NLRP11: variants seen among roughly 807,000 people sequenced by gnomAD.
The protein encoded by NLRP11 is NLR family pyrin domain containing 11, also known as NACHT, LRR and PYD domains-containing protein 11.
Under a neutral mutation model 79.3 loss-of-function variants are expected in NLRP11, and 53 were observed. That is an observed-to-expected ratio of 0.67 (90% confidence interval 0.54 to 0.84). NLRP11 has a LOEUF of 0.84. Among genes scored for constraint, NLRP11 ranks in the 40% least tolerant of loss-of-function variants. NLRP11 has a pLI of 0.00. For missense variants in NLRP11, 1,264 were observed against 1,255.0 expected (o/e 1.01, Z -0.11); for synonymous variants, 518 against 462.6 (o/e 1.12, Z -1.54).
At chr19:55,796,802 C>T (rs1019635010) in intron 5 of NLRP11, among the ~76,000 whole-genome samples, 1 of 151,988 alleles carries the variant, frequency 6.6e-6, no homozygotes, top group African/African-American at 2.4e-5. Flanking sequence ...GATTCTCCTG[C>T]CTCGGCCTCC....
intron 2 of NLRP11, among the ~76,000 whole-genome samples, chr19:55,813,024 A>G (rs374425567): frequency 6.6e-6 from 1 of 152,090 alleles, no homozygotes; most frequent in Non-Finnish European, 1.5e-5. Flanking sequence ...CATGTTGAAA[A>G]CTTATTAAAA....
At chr19:55,831,867 A>G (rs1982821869) in intron 1 of NLRP11, 96 bp downstream of exon 1, 1 of 152,186 alleles carries the variant, frequency 6.6e-6, no homozygotes, top group Non-Finnish European at 1.5e-5. Flanking sequence ...TATTATTTCC[A>G]GCTCCTAACC....
intron 4 of NLRP11, among the ~76,000 whole-genome samples, chr19:55,803,717 C>G (rs1338902084): frequency 6.6e-6 from 1 of 152,152 alleles, no homozygotes. Context: ...TGTCACTGAT[C>G]ATTAGAGAAA....
At chr19:55,828,366 T>C (rs2122932351) in intron 1 of NLRP11, among the ~76,000 whole-genome samples, 1 of 151,852 alleles carries the variant, frequency 6.6e-6, no homozygotes, top group Admixed American at 6.6e-5. Context: ...TGTATACATA[T>C]GTAACTAACC....
intron 1 of NLRP11, among the ~76,000 whole-genome samples, chr19:55,823,207 C>G (rs1223355325): frequency 6.9e-6 from 1 of 144,228 alleles, no homozygotes; most frequent in Non-Finnish European, 1.5e-5. Flanking sequence ...AGGGTCCTGT[C>G]TGTTAGAAGG....
chr19:55,797,510 C>A (rs534111123), intron 5 of NLRP11, among the ~76,000 whole-genome samples: 1 of 152,074 alleles, frequency 6.6e-6, no homozygotes, highest in Non-Finnish European at 1.5e-5. Context: ...GGAAGAAATA[C>A]GATGGAATTC....
chr19:55,817,998 A>T (rs772315177), exon 2 of NLRP11: 16 of 1,613,152 alleles, frequency 9.9e-6, no homozygotes, highest in African/African-American at 1.3e-5. Flanking sequence ...GTCCCTCATA[A>T]GAGATTGGCA....
At chr19:55,789,043 T>A in intron 8 of NLRP11, 66 bp from the exon 9 acceptor site, 1 of 1,556,624 alleles carries the variant, frequency 6.4e-7, no homozygotes, top group Non-Finnish European at 8.8e-7. Context: ...ATGAGATGGG[T>A]GAGAACTGGA....
chr19:55,817,990 C>A, exon 2 of NLRP11: 1 of 1,613,004 alleles, frequency 6.2e-7, no homozygotes, highest in Non-Finnish European at 8.5e-7. Flanking sequence ...TATATACTGT[C>A]CCTCATAAGA....
chr19:55,789,154 C>G, intron 8 of NLRP11, 75 bp downstream of exon 8: 1 of 1,466,716 alleles, frequency 6.8e-7, no homozygotes, highest in Non-Finnish European at 9.3e-7. Flanking sequence ...TTGTATTTCC[C>G]AATCCACTTC....
intron 2 of NLRP11, among the ~76,000 whole-genome samples, chr19:55,814,469 C>T (rs150157269): frequency 6.6e-5 from 10 of 152,152 alleles, no homozygotes; most frequent in East Asian, 1.9e-4. Flanking sequence ...CAAAAAGGTG[C>T]GGGACCACTG....
intron 4 of NLRP11, 124 bp downstream of exon 4, chr19:55,807,729 G>A: frequency 1.7e-6 from 1 of 602,966 alleles, no homozygotes; most frequent in Admixed American, 2.5e-5. Context: ...AGTACAGAAG[G>A]AGCCTAGGCC....
Position 55,810,222 on chromosome 19 carries a change from A to G in NLRP11, c.388T>C (p.Tyr130His), listed in dbSNP as rs746907512. The change falls in exon 3 of 10, where the codon TAC becomes CAC. Residue 130 changes from tyrosine (Y) to histidine (H), a missense_variant. Coordinates refer to ENST00000589093, the Ensembl canonical transcript of NLRP11. ...GAATCATAGGCTAATTGAAGTATGT[A>G]GAACACATCTGACGAAACGTCACGA... The G allele has an allele frequency of 2.4e-5, 39 of 1,614,062 alleles. No homozygotes were observed. The highest frequency in any genetic ancestry group is 2.3e-4 in the South Asian group (21 of 91,082).
At chr19:55,806,567 C>T (rs553205405) in intron 4 of NLRP11, among the ~76,000 whole-genome samples, 1 of 152,268 alleles carries the variant, frequency 6.6e-6, no homozygotes, top group South Asian at 2.1e-4. Context: ...CTGGCAAATG[C>T]CAAGAAAAAG....
At chr19:55,822,899 G>A (rs955232627) in intron 1 of NLRP11, among the ~76,000 whole-genome samples, 1 of 152,228 alleles carries the variant, frequency 6.6e-6, no homozygotes, top group Non-Finnish European at 1.5e-5. Flanking sequence ...CTGGAACTGG[G>A]GGGAGCCCAC....
chr19:55,790,662 A>AT (rs1228253778), intron 7 of NLRP11, among the ~76,000 whole-genome samples: 1 of 152,154 alleles, frequency 6.6e-6, no homozygotes, highest in East Asian at 1.9e-4. Context: ...AGAAGATCCT[A>AT]TTTTTCATTT....
At chr19:55,810,548 G>A (rs757305879) in intron 2 of NLRP11, among the ~76,000 whole-genome samples, 50 of 152,190 alleles carry the variant, frequency 3.3e-4, no homozygotes, top group Non-Finnish European at 5.3e-4. Context: ...ACAGGCTGGA[G>A]TGCAGTGGCA....
intron 2 of NLRP11, among the ~76,000 whole-genome samples, chr19:55,816,509 G>C (rs543136406): frequency 6.0e-4 from 91 of 152,220 alleles, no homozygotes; most frequent in African/African-American, 2.1e-3. Flanking sequence ...TTTTCAATTG[G>C]AATACATGAT....
At chr19:55,794,500 T>TGC (rs1568628773) in intron 6 of NLRP11, among the ~76,000 whole-genome samples, 9 of 151,982 alleles carry the variant, frequency 5.9e-5, no homozygotes, top group African/African-American at 2.2e-4. Flanking sequence ...GTGGCTCACA[T>TGC]CTGTAATCCC....
Sources: gnomAD v4.1 joint callset for allele counts (sites outside exome capture counted in the v4.1 genomes callset) on GRCh38, gnomAD v4.1.1 for gene constraint, MANE v1.5 for transcripts, NCBI Gene and HGNC (gene_info 2026-07-23, HGNC 2026-07-21) for gene names.